MGAT4C: variants seen among roughly 807,000 people sequenced by gnomAD.
MGAT4C encodes alpha-1,3-mannosyl-glycoprotein 4-beta-N-acetylglucosaminyltransferase C.
MGAT4C carries 19 observed loss-of-function variants against 40.1 expected under a neutral mutation model. The ratio of observed to expected loss-of-function variants is 0.47; its 90% confidence interval spans 0.33 to 0.70. The LOEUF is 0.70. MGAT4C is among the 30% of genes least tolerant of loss of function. The probability of loss-of-function intolerance (pLI) is 0.02; values close to 1 mark genes in which losing one functional copy is unlikely to be tolerated. For synonymous variants in MGAT4C, 181 were observed against 187.1 expected (o/e 0.97, Z 0.27); for missense variants, 491 against 563.2 (o/e 0.87, Z 1.30).
chr12:86,188,663 T>A (rs1270973071), intron 1 of MGAT4C, among the ~76,000 whole-genome samples: 1 of 152,022 alleles, frequency 6.6e-6, no homozygotes, highest in African/African-American at 2.4e-5. Context: ...GAACAATTGA[T>A]TTGTGCATTT....
chr12:86,158,629 T>C (rs954382304), intron 1 of MGAT4C, among the ~76,000 whole-genome samples: 3 of 152,170 alleles, frequency 2.0e-5, no homozygotes, highest in African/African-American at 7.2e-5. Context: ...TTGCATATAA[T>C]GTGAAAAATT....
At chr12:86,461,510 G>T (rs1261918157) in intron 2 of MGAT4C, among the ~76,000 whole-genome samples, 1 of 152,102 alleles carries the variant, frequency 6.6e-6, no homozygotes, top group East Asian at 1.9e-4. Context: ...CTCCCAAAGT[G>T]CTGGGATTAC....
chr12:86,706,539 TG>T (rs1950462393), intron 2 of MGAT4C, among the ~76,000 whole-genome samples: 1 of 152,156 alleles, frequency 6.6e-6, no homozygotes, highest in Non-Finnish European at 1.5e-5. Flanking sequence ...TTTACAGGCA[TG>T]AGCCACCACA....
chr12:86,327,025 C>A (rs760912201), intron 4 of MGAT4C, among the ~76,000 whole-genome samples: 2 of 152,162 alleles, frequency 1.3e-5, no homozygotes, highest in South Asian at 4.1e-4. Flanking sequence ...CTTTTCCCTA[C>A]AATGACTAAA....
intron 2 of MGAT4C, among the ~76,000 whole-genome samples, chr12:86,709,461 T>C (rs1950519923): frequency 6.6e-6 from 1 of 152,240 alleles, no homozygotes; most frequent in Non-Finnish European, 1.5e-5. Context: ...GTCACTTTTG[T>C]ACTTAGACTC....
chr12:86,573,164 GA>G (rs914884102), intron 2 of MGAT4C, among the ~76,000 whole-genome samples: 92 of 151,838 alleles, frequency 6.1e-4, no homozygotes, highest in African/African-American at 2.1e-3. Flanking sequence ...AATGTATAAA[GA>G]AAACAACATA....
intron 3 of MGAT4C, among the ~76,000 whole-genome samples, chr12:86,432,330 A>G (rs1957056662): frequency 1.3e-5 from 2 of 152,132 alleles, no homozygotes; most frequent in Admixed American, 6.6e-5. Flanking sequence ...TCTGTGAAGT[A>G]GCAGATACAT....
intron 2 of MGAT4C, among the ~76,000 whole-genome samples, chr12:86,569,612 T>C (rs535505054): frequency 1.4e-4 from 21 of 152,018 alleles, no homozygotes; most frequent in Non-Finnish European, 2.6e-4. Flanking sequence ...TCACAGCCAT[T>C]ACGGAAAAAC....
chr12:86,166,322 A>G (rs1396784036), intron 1 of MGAT4C, among the ~76,000 whole-genome samples: 1 of 152,196 alleles, frequency 6.6e-6, no homozygotes, highest in Non-Finnish European at 1.5e-5. Flanking sequence ...TTTACTTCTG[A>G]AAGGGAAAAA....
At chr12:86,093,269 T>C (rs1387866828) in intron 1 of MGAT4C, among the ~76,000 whole-genome samples, 1 of 152,196 alleles carries the variant, frequency 6.6e-6, no homozygotes, top group South Asian at 2.1e-4. Flanking sequence ...CTCTTTCCAC[T>C]CTGACATCAT....
chr12:86,615,399 T>C (rs1469156478), intron 2 of MGAT4C, among the ~76,000 whole-genome samples: 2 of 152,054 alleles, frequency 1.3e-5, no homozygotes, highest in Non-Finnish European at 2.9e-5. Flanking sequence ...GTGTAATAAA[T>C]TGTCCCAAAA....
At chr12:86,242,648 A>T (rs560539111) in intron 1 of MGAT4C, among the ~76,000 whole-genome samples, 2 of 152,252 alleles carry the variant, frequency 1.3e-5, no homozygotes, top group South Asian at 4.2e-4. Flanking sequence ...AGTAGAAAAA[A>T]TAGGGTCTTT....
chr12:86,332,652 T>G (rs12315831), intron 4 of MGAT4C, among the ~76,000 whole-genome samples: 3,436 of 151,882 alleles, frequency 0.023, 82 homozygotes, highest in African/African-American at 0.049. Context: ...AGGTTTTTTT[T>G]TGTGTGTGTG....
chr12:86,093,229 G>A (rs954040676), intron 1 of MGAT4C, among the ~76,000 whole-genome samples: 1 of 151,856 alleles, frequency 6.6e-6, no homozygotes, highest in Non-Finnish European at 1.5e-5. Flanking sequence ...ATCTTCTTTC[G>A]AATTTTATCA....
chr12:86,071,502 C>T (rs1868456179), intron 1 of MGAT4C, among the ~76,000 whole-genome samples: 1 of 152,050 alleles, frequency 6.6e-6, no homozygotes, highest in Non-Finnish European at 1.5e-5. Context: ...CTATGTTGCT[C>T]TTCATAAGAA....
chr12:86,781,012 T>TTG (rs201109835), intron 1 of MGAT4C, among the ~76,000 whole-genome samples: 6,435 of 39,084 alleles, frequency 0.16, 312 homozygotes, highest in Admixed American at 0.29. Flanking sequence ...TGGCTGAGTA[T>TTG]TGTGTGTGTG....
intron 3 of MGAT4C, among the ~76,000 whole-genome samples, chr12:86,373,666 T>C (rs1256082719): frequency 6.6e-6 from 1 of 151,754 alleles, no homozygotes; most frequent in African/African-American, 2.4e-5. Context: ...TTTTTTTTTT[T>C]TGATGTAGCA....
intron 2 of MGAT4C, among the ~76,000 whole-genome samples, chr12:86,513,127 A>ACTT (rs1175045597): frequency 6.6e-6 from 1 of 152,144 alleles, no homozygotes; most frequent in Non-Finnish European, 1.5e-5. Context: ...TTCTTATAAT[A>ACTT]CTTTGCATTT....
chr12:86,756,579 G>C (rs889657243), intron 1 of MGAT4C, among the ~76,000 whole-genome samples: 9 of 151,932 alleles, frequency 5.9e-5, no homozygotes. Flanking sequence ...AGTATAAACT[G>C]AATAGCATAT....
Sources: gnomAD v4.1 joint callset for allele counts (sites outside exome capture counted in the v4.1 genomes callset) on GRCh38, gnomAD v4.1.1 for gene constraint, MANE v1.5 for transcripts, NCBI Gene and HGNC (gene_info 2026-07-23, HGNC 2026-07-21) for gene names.